Variants in SAMD8 observed in about 807,000 individuals in gnomAD.
The protein encoded by SAMD8 is sphingomyelin synthase-related protein 1.
SAMD8 carries 20 observed loss-of-function variants against 42.0 expected under a neutral mutation model. That is an observed-to-expected ratio of 0.48 (90% CI 0.34 to 0.69). The LOEUF is 0.69. Ranked by LOEUF, SAMD8 falls within the 30% of genes least tolerant of loss-of-function variation. The probability of loss-of-function intolerance (pLI) is 0.01; values close to 1 mark genes in which losing one functional copy is unlikely to be tolerated. For missense variants in SAMD8, 328 were observed against 511.6 expected, an observed-to-expected ratio of 0.64 and a Z score of 3.46; for synonymous variants, 162 against 173.0, an observed-to-expected ratio of 0.94 and a Z score of 0.50.
At chr10:75,121,413 C>G (rs1014847526) in intron 1 of SAMD8, among the ~76,000 whole-genome samples, 1 of 152,176 alleles carries the variant, frequency 6.6e-6, no homozygotes, top group Non-Finnish European at 1.5e-5. Flanking sequence ...AGGAATTGTA[C>G]TAGATCTCTC....
intron 1 of SAMD8, among the ~76,000 whole-genome samples, chr10:75,116,025 T>C (rs1848874470): frequency 1.3e-5 from 2 of 151,900 alleles, no homozygotes; most frequent in Non-Finnish European, 2.9e-5. Flanking sequence ...AAAACAATGT[T>C]TTATGATATG....
upstream of SAMD8, chr10:75,111,577 G>T (rs1404215018): frequency 4.8e-6 from 6 of 1,250,398 alleles, no homozygotes; most frequent in Non-Finnish European, 6.0e-6. Context: ...CACCGCCCCC[G>T]CCTCCACTCC....
intron 1 of SAMD8, among the ~76,000 whole-genome samples, chr10:75,102,824 T>A (rs1848258690): frequency 6.6e-6 from 1 of 152,102 alleles, no homozygotes; most frequent in African/African-American, 2.4e-5. Flanking sequence ...TGGTGGCGCA[T>A]GCCTGTAATC....
intron 1 of SAMD8, among the ~76,000 whole-genome samples, chr10:75,112,975 A>T (rs1034848097): frequency 6.6e-6 from 1 of 152,344 alleles, no homozygotes; most frequent in Non-Finnish European, 1.5e-5. Context: ...GATTGGACTT[A>T]TCTCTTGAAA....
rs1841069619 is a variant in SAMD8 at position 75,180,807 on chromosome 10, T to C, written c.*4115T>C. The C allele has an allele frequency of 6.6e-6, 1 of 152,222 alleles. No homozygotes were observed. The highest frequency in any genetic ancestry group is 1.5e-5 in the Non-Finnish European group (1 of 68,044). The allele number at this position is 152,222 out of a possible 1,614,324, so 9.4% of individuals were successfully genotyped here. ...TTGTTTTATAGCTGATAAGAAACAG[T>C]CTGTTTTAGAAACATCTGTTTGGAA... is the stretch of plus-strand genomic sequence containing the variant. On this transcript the variant is annotated 3_prime_UTR_variant, in exon 6 of 6. Transcript: ENST00000542569.
At chr10:75,105,798 C>T (rs1333942691) in intron 1 of SAMD8, 1 of 1,550,984 alleles carries the variant, frequency 6.4e-7, no homozygotes, top group South Asian at 1.2e-5. Flanking sequence ...GCCGCTGGTG[C>T]AGCATGAGGT....
At chr10:75,146,272 C>CTTTTTTTTTTTT (rs202162176) in intron 1 of SAMD8, among the ~76,000 whole-genome samples, 2 of 68,124 alleles carry the variant, frequency 2.9e-5, no homozygotes, top group African/African-American at 1.4e-4. Flanking sequence ...TGTCTTGACA[C>CTTTTTTTTTTTT]TTTTTTTTTT....
intron 2 of SAMD8, among the ~76,000 whole-genome samples, chr10:75,161,153 G>A (rs1355170564): frequency 6.6e-6 from 1 of 152,052 alleles, no homozygotes; most frequent in Admixed American, 6.5e-5. Flanking sequence ...TGAATATGAA[G>A]CACTGTTGAC....
intron 1 of SAMD8, among the ~76,000 whole-genome samples, chr10:75,143,363 G>A (rs186961771): frequency 3.9e-4 from 60 of 152,246 alleles, no homozygotes; most frequent in African/African-American, 1.4e-3. Context: ...ATTTATGCAT[G>A]TGGCTACCAT....
At chr10:75,149,677 C>A (rs1441987951) in intron 1 of SAMD8, among the ~76,000 whole-genome samples, 1 of 152,092 alleles carries the variant, frequency 6.6e-6, no homozygotes, top group African/African-American at 2.4e-5. Flanking sequence ...TGGGGAGATA[C>A]GTTTTCCATG....
Position 75,178,153 on chromosome 10 carries a change from T to C in SAMD8, c.*1461T>C, listed in dbSNP as rs1296989467. On this transcript the variant is annotated 3_prime_UTR_variant, in exon 6 of 6. Coordinates refer to ENST00000542569, the MANE Select transcript of SAMD8 (RefSeq NM_001174156.2). ...GTCATATTCCCACCCCTGTATAAGCTACATAGGAGCCTGAATGAATTGGGT... is the reference window on the plus strand; with the variant it reads ...GTCATATTCCCACCCCTGTATAAGCCACATAGGAGCCTGAATGAATTGGGT... The C allele has an allele frequency of 6.6e-6, 1 of 152,228 alleles. No individual in the cohort carries two copies. The highest frequency in any genetic ancestry group is 2.4e-5 in the African/African-American group (1 of 41,466). 9.4% of individuals were successfully genotyped at this position (152,228 alleles called of 1,614,324 possible). A position where few individuals can be genotyped will look rare whatever the true frequency, so the allele number is the denominator to read the frequency against.
chr10:75,134,250 G>T (rs980787261), intron 1 of SAMD8, among the ~76,000 whole-genome samples: 2 of 152,192 alleles, frequency 1.3e-5, no homozygotes, highest in East Asian at 3.9e-4. Context: ...TAATACCTAG[G>T]TGATGGGTTG....
At chr10:75,137,874 T>G (rs1259528669) in intron 1 of SAMD8, among the ~76,000 whole-genome samples, 1 of 152,164 alleles carries the variant, frequency 6.6e-6, no homozygotes, top group Non-Finnish European at 1.5e-5. Flanking sequence ...ATGGTAAATT[T>G]TATGTATAGT....
chr10:75,111,630 C>CA, upstream of SAMD8: 1 of 1,247,108 alleles, frequency 8.0e-7, no homozygotes, highest in Non-Finnish European at 1.0e-6. Context: ...TGAGGCGCTT[C>CA]ACTCCGGCGA....
intron 4 of SAMD8, among the ~76,000 whole-genome samples, chr10:75,171,995 C>T (rs1436617844): frequency 1.3e-5 from 2 of 149,984 alleles, no homozygotes; most frequent in Non-Finnish European, 3.0e-5. Context: ...CACTGCACTC[C>T]AGCCTGGGTG....
At chr10:75,162,654 A>G (rs1056266336) in intron 2 of SAMD8, among the ~76,000 whole-genome samples, 1 of 151,540 alleles carries the variant, frequency 6.6e-6, no homozygotes, top group African/African-American at 2.4e-5. Context: ...CGTCTCAAAA[A>G]AAAAAAAAAA....
intron 1 of SAMD8, among the ~76,000 whole-genome samples, chr10:75,130,488 A>G (rs1265052650): frequency 5.3e-5 from 8 of 152,124 alleles, no homozygotes; most frequent in Admixed American, 3.3e-4. Context: ...CCTGGGCAAC[A>G]AGAGCGAAAC....
intron 4 of SAMD8, chr10:75,175,800 C>G: frequency 1.3e-6 from 1 of 787,458 alleles, no homozygotes; most frequent in Non-Finnish European, 1.5e-6. Flanking sequence ...CCACCCACCT[C>G]AGCCTCCCAA....
intron 2 of SAMD8, among the ~76,000 whole-genome samples, chr10:75,158,699 C>T (rs1389336846): frequency 6.6e-6 from 1 of 152,136 alleles, no homozygotes; most frequent in Non-Finnish European, 1.5e-5. Context: ...TGGGAAGAAA[C>T]TCATACCCAT....
Sources: allele counts gnomAD v4.1 joint callset (sites outside exome capture counted in the v4.1 genomes callset), GRCh38; gene constraint gnomAD v4.1.1; transcripts MANE v1.5; gene names NCBI Gene and HGNC (gene_info 2026-07-23, HGNC 2026-07-21).